PCDHGA3: variants seen among roughly 807,000 people sequenced by gnomAD.
PCDHGA3 encodes protocadherin gamma subfamily A, 3, also known as protocadherin gamma-A3.
A neutral mutation model predicts 58.5 loss-of-function variants in PCDHGA3; 40 were observed. The observed-to-expected ratio is 0.68, with a 90% CI of 0.53 to 0.89. PCDHGA3 has a LOEUF of 0.89. Ranked by LOEUF, PCDHGA3 falls within the 40% of genes least tolerant of loss-of-function variation. The pLI is 0.00. For synonymous variants in PCDHGA3, 530 were observed against 525.7 expected (o/e 1.01, Z -0.11); for missense variants, 1,223 against 1,195.9 (o/e 1.02, Z -0.33).
At chr5:141,413,195 G>T (rs771456948) in intron 1 of PCDHGA3, 1 of 1,610,846 alleles carries the variant, frequency 6.2e-7, no homozygotes, top group South Asian at 1.1e-5. Context: ...CAAAGGAATC[G>T]CTCAAAGGAA....
intron 1 of PCDHGA3, chr5:141,357,298 G>A (rs767893393): frequency 6.2e-7 from 1 of 1,613,908 alleles, no homozygotes; most frequent in Non-Finnish European, 8.5e-7. Context: ...AGTGGCCGCT[G>A]TCTCCTGCGT....
At position 141,345,320 on chromosome 5, in the gene PCDHGA3, C is replaced by A. The variant is rs564741098; in HGVS notation, c.1287C>A (p.Ser429Arg). 3 of 1,613,966 alleles carry A rather than the reference C, an allele frequency of 1.9e-6. No individual in the cohort carries two copies. The highest frequency in any genetic ancestry group is 2.2e-5 in the East Asian group (1 of 44,882). Residue 429 changes from serine to arginine, a missense_variant, in exon 1 of 4, where the codon AGC becomes AGA. Around this residue, in one of 3 missense-constraint regions of PCDHGA3, gnomAD observed 791 missense variants for 708.5 expected, o/e 1.12. Transcript: ENST00000253812. ...GTCTGAGAGCCTCAGATGGGGGAAGCCCGCCACTGTCCACAGAAACTCACA... is the reference window on the plus strand; with the variant it reads ...GTCTGAGAGCCTCAGATGGGGGAAGACCGCCACTGTCCACAGAAACTCACA... ...NISLRASDGG[S>R]PPLSTETHIT...
rs751302023 is a variant in PCDHGA3 at position 141,364,590 on chromosome 5, C to A, written c.2424+18133C>A. 3.1e-6 allele frequency: 5 copies of A among 1,614,196 alleles called. No homozygotes were observed. The South Asian group carries it at 3.3e-5, about 11-fold the overall frequency. ...CCGCGAAGCGGCAGCTTGGTCACCG[C>A]GGGCAGGATAGACCGGGAGGAGCTC... On this transcript the variant is annotated intron_variant, in intron 1 of 3. Coordinates refer to ENST00000253812, the MANE Select transcript of PCDHGA3 (RefSeq NM_018916.4).
intron 1 of PCDHGA3, chr5:141,414,866 C>T: frequency 6.2e-7 from 1 of 1,614,230 alleles, no homozygotes; most frequent in Non-Finnish European, 8.5e-7. Flanking sequence ...GACAATGCGC[C>T]CGAGATCCTG....
chr5:141,382,519 T>G lies in PCDHGA3; in HGVS notation c.2424+36062T>G, dbSNP rs147736839. On this transcript the variant is annotated intron_variant, in intron 1 of 3. Transcript: ENST00000253812. ...CATGAACACTGTTGCATTAATTCAG[T>G]GTCTTAAAATGGATTTTTAATTATC... 7.0e-4 allele frequency among the ~76,000 whole-genome samples: 107 copies of G among 152,314 alleles called. No homozygotes were observed. In the Middle Eastern group the frequency reaches 0.01, roughly 15 times the overall value.
intron 1 of PCDHGA3, chr5:141,423,387 G>A (rs373190092): frequency 6.2e-7 from 1 of 1,614,162 alleles, no homozygotes; most frequent in Non-Finnish European, 8.5e-7. Context: ...TGTGGCGCTG[G>A]CATAAGTCAC....
At chr5:141,496,146 G>A (rs749790409) in intron 2 of PCDHGA3, among the ~76,000 whole-genome samples, 1 of 151,170 alleles carries the variant, frequency 6.6e-6, no homozygotes, top group Non-Finnish European at 1.5e-5. Flanking sequence ...GCCTTTGATC[G>A]CAGCTCTCCA....
At chr5:141,365,502 C>T (rs373907411) in intron 1 of PCDHGA3, 5 of 1,613,918 alleles carry the variant, frequency 3.1e-6, no homozygotes, top group East Asian at 2.2e-5. Context: ...AGGAATTTGC[C>T]TTTTAAATTG....
At chr5:141,456,119 C>G (rs902179639) in intron 1 of PCDHGA3, among the ~76,000 whole-genome samples, 3 of 151,826 alleles carry the variant, frequency 2.0e-5, no homozygotes, top group Non-Finnish European at 4.4e-5. Flanking sequence ...GGATGGTCTC[C>G]ATCTCCTGAC....
chr5:141,359,760 G>C (rs1305895220), intron 1 of PCDHGA3, among the ~76,000 whole-genome samples: 2 of 152,148 alleles, frequency 1.3e-5, no homozygotes, highest in African/African-American at 4.8e-5. Flanking sequence ...ATCTAAAGCA[G>C]AGATGAAAGG....
At chr5:141,383,054 T>G in intron 1 of PCDHGA3, 3 of 1,613,872 alleles carry the variant, frequency 1.9e-6, no homozygotes, top group Non-Finnish European at 2.5e-6. Context: ...GCCAAGGACC[T>G]GGGGCTGGAG....
intron 1 of PCDHGA3, 67 bp downstream of exon 1, chr5:141,346,524 C>G: frequency 6.3e-7 from 1 of 1,588,144 alleles, no homozygotes; most frequent in African/African-American, 1.4e-5. Flanking sequence ...AAAGCTTTAA[C>G]ACATATGTAT....
intron 1 of PCDHGA3, chr5:141,417,670 A>T: frequency 1.1e-6 from 1 of 929,118 alleles, no homozygotes; most frequent in Admixed American, 3.2e-5. Context: ...TTCCCTGCGC[A>T]GCCAACAACA....
chr5:141,374,243 C>A, intron 1 of PCDHGA3: 1 of 1,614,000 alleles, frequency 6.2e-7, no homozygotes, highest in Non-Finnish European at 8.5e-7. Flanking sequence ...GGATCTGGGA[C>A]TGGAGCCCCA....
At chr5:141,355,920 C>G (rs1760043730) in intron 1 of PCDHGA3, 1 of 1,613,790 alleles carries the variant, frequency 6.2e-7, no homozygotes, top group Non-Finnish European at 8.5e-7. Context: ...ATAATGCTCC[C>G]GTGTTCACTC....
intron 1 of PCDHGA3, chr5:141,362,416 G>C (rs1167115299): frequency 1.2e-6 from 2 of 1,614,008 alleles, no homozygotes; most frequent in Non-Finnish European, 1.7e-6. Context: ...CTCACAATCA[G>C]CCAAGACAGA....
chr5:141,479,333 G>A (rs2154577502), intron 1 of PCDHGA3: 1 of 152,652 alleles, frequency 6.6e-6, no homozygotes, highest in East Asian at 1.9e-4. Context: ...TCAGTGGTGT[G>A]CACCTGTAGT....
At chr5:141,413,330 T>C (rs770842309) in intron 1 of PCDHGA3, 1 of 1,613,930 alleles carries the variant, frequency 6.2e-7, no homozygotes. Context: ...GTGGGCAACA[T>C]CTCCAAGGAC....
At chr5:141,387,089 G>T (rs1034064461) in intron 1 of PCDHGA3, among the ~76,000 whole-genome samples, 1 of 152,162 alleles carries the variant, frequency 6.6e-6, no homozygotes, top group African/African-American at 2.4e-5. Flanking sequence ...TGTGATCATC[G>T]AAATGAGAAT....
Sources: allele counts gnomAD v4.1 joint callset (sites outside exome capture counted in the v4.1 genomes callset), GRCh38; gene constraint gnomAD v4.1.1; regional missense constraint gnomAD v4.1.1; transcripts MANE v1.5; gene names NCBI Gene and HGNC (gene_info 2026-07-23, HGNC 2026-07-21).